The following BIRC6 variants were observed in gnomAD, a reference collection of about 807,000 sequenced individuals.
BIRC6 encodes dual E2 ubiquitin-conjugating enzyme/E3 ubiquitin-protein ligase BIRC6.
In BIRC6, 98 loss-of-function variants were observed where a neutral mutation model predicts 503.3. The observed-to-expected ratio is 0.19, with a 90% CI of 0.17 to 0.23. The LOEUF (loss-of-function observed/expected upper bound fraction) is 0.23. BIRC6 is among the 10% of genes least tolerant of loss of function. BIRC6 has a pLI of 1.00. For missense variants in BIRC6, 5,360 were observed against 5,806.0 expected (o/e 0.92, Z 2.50); for synonymous variants, 2,240 against 2,078.7 (o/e 1.08, Z -2.11).
intron 68 of BIRC6, among the ~76,000 whole-genome samples, chr2:32,597,309 T>C (rs2061736038): frequency 2.6e-5 from 4 of 152,232 alleles, no homozygotes; most frequent in Admixed American, 1.3e-4. Flanking sequence ...CCAGGATTAA[T>C]TCTGTAGGAT....
intron 61 of BIRC6, among the ~76,000 whole-genome samples, chr2:32,531,965 G>T (rs2056797087): frequency 1.3e-5 from 2 of 151,966 alleles, no homozygotes; most frequent in African/African-American, 4.8e-5. Flanking sequence ...TCCATTTTTG[G>T]TGGTTTAAAA....
chr2:32,485,648 G>T lies in BIRC6; in HGVS notation c.7702G>T (p.Asp2568Tyr), dbSNP rs764752912. ...CTTTCAATTGCTTTTTGTAGCCCTG[G>T]ATGCTCGCCTAGAAGTTGGACTTGA... The part of the protein sequence containing the change: ...TVSVSVSQAL[D>Y]ARLEVGLEQQ... Residue 2568 changes from aspartate (D) to tyrosine (Y), a missense_variant, in exon 40 of 74, where the codon GAT becomes TAT. By Grantham distance (160) the Asp-to-Tyr change is radical (BLOSUM62 -3). Around this residue, in one of 16 missense-constraint regions of BIRC6, gnomAD observed 2,299 missense variants for 2,267.2 expected, o/e 1.01. Transcript: ENST00000421745. 1.9e-6 allele frequency: 3 copies of T among 1,610,008 alleles called. No homozygotes were observed. The highest frequency in any genetic ancestry group is 8.5e-7 in the Non-Finnish European group (1 of 1,176,714).
intron 20 of BIRC6, 44 bp from the exon 21 acceptor site, chr2:32,445,477 A>T (rs753976352): frequency 2.1e-6 from 3 of 1,457,556 alleles, no homozygotes; most frequent in Non-Finnish European, 2.8e-6. Flanking sequence ...TGTTAGAGGA[A>T]AAGGAGGAAA....
At chr2:32,505,275 GT>G in intron 50 of BIRC6, 70 bp downstream of exon 50, 1 of 1,331,216 alleles carries the variant, frequency 7.5e-7, no homozygotes. Context: ...AAATAAAAAT[GT>G]TTAGTAAGCG....
At chr2:32,362,414 C>G (rs1205039777) in intron 1 of BIRC6, among the ~76,000 whole-genome samples, 4 of 150,616 alleles carry the variant, frequency 2.7e-5, no homozygotes, top group Non-Finnish European at 5.9e-5. Context: ...CTACCAGGTT[C>G]ACACCATTTT....
At chr2:32,452,969 T>C (rs2046875477) in intron 22 of BIRC6, among the ~76,000 whole-genome samples, 1 of 152,118 alleles carries the variant, frequency 6.6e-6, no homozygotes, top group Non-Finnish European at 1.5e-5. Flanking sequence ...TTGATAGTCC[T>C]TCAGCTGTTA....
chr2:32,478,816 C>T lies in BIRC6; in HGVS notation c.7250C>T (p.Ala2417Val). 2.5e-6 allele frequency: 4 copies of T among 1,611,954 alleles called. No individual in the cohort carries two copies. The highest frequency in any genetic ancestry group is 3.4e-6 in the Non-Finnish European group (4 of 1,179,328). ...ACTTGCATGCTACAAGATATTTTAGCAGGTGTGTTAGGATTTTTCTTCATA... is the reference window on the plus strand; with the variant it reads ...ACTTGCATGCTACAAGATATTTTAGTAGGTGTGTTAGGATTTTTCTTCATA... ...SLTCMLQDILAGELLAPVAAE... is the reference protein window; with the variant it reads ...SLTCMLQDILVGELLAPVAAE... Residue 2417 changes from alanine (A) to valine (V), a missense_variant and splice_region_variant, in exon 36 of 74, where the codon GCA becomes GTA. Ala to Val is a moderately conservative substitution (Grantham distance 64). Around this residue, in one of 16 missense-constraint regions of BIRC6, gnomAD observed 2,299 missense variants for 2,267.2 expected, o/e 1.01. Transcript: ENST00000421745.
chr2:32,602,989 CT>C lies in BIRC6; in HGVS notation c.13993-11del. The C allele has an allele frequency of 6.3e-7, 1 of 1,591,540 alleles. No homozygotes were observed. Among genetic ancestry groups the C allele is most frequent in the Non-Finnish European group, 8.5e-7 (1 of 1,172,728 alleles). ...CACTCTTTTTTCAATTCTGTTTATG[CT>C]TTTTTCGTTCGTCAGGTTTGTTTAA... On this transcript the variant is annotated splice_polypyrimidine_tract_variant and intron_variant, in intron 70 of 73. Transcript: ENST00000421745.
At chr2:32,486,501 C>T (rs1013211899) in intron 40 of BIRC6, among the ~76,000 whole-genome samples, 11 of 152,044 alleles carry the variant, frequency 7.2e-5, no homozygotes, top group Admixed American at 6.5e-4. Context: ...TGAAATAGCA[C>T]GGTGTTTTTC....
chr2:32,552,674 T>C (rs953960371), intron 65 of BIRC6, among the ~76,000 whole-genome samples: 1 of 152,144 alleles, frequency 6.6e-6, no homozygotes, highest in Non-Finnish European at 1.5e-5. Context: ...TCATTAAGTA[T>C]ATTGTATTTA....
intron 66 of BIRC6, among the ~76,000 whole-genome samples, chr2:32,577,563 T>A (rs2060346870): frequency 1.5e-5 from 2 of 134,614 alleles, no homozygotes; most frequent in South Asian, 4.8e-4. Context: ...TTCTATTAGA[T>A]CCTGCAAAAA....
At chr2:32,473,054 A>G in intron 32 of BIRC6, 58 bp from the exon 33 acceptor site, 2 of 1,428,502 alleles carry the variant, frequency 1.4e-6, no homozygotes, top group Non-Finnish European at 1.9e-6. Context: ...TGGGTAGGAA[A>G]GGTACTTTAA....
chr2:32,561,991 G>A (rs1322316127), intron 65 of BIRC6, among the ~76,000 whole-genome samples: 4 of 151,962 alleles, frequency 2.6e-5, no homozygotes, highest in Admixed American at 2.0e-4. Flanking sequence ...GCAGTGAGCC[G>A]AGATCATGCC....
intron 33 of BIRC6, among the ~76,000 whole-genome samples, chr2:32,474,361 T>G (rs2049482130): frequency 6.6e-6 from 1 of 152,218 alleles, no homozygotes; most frequent in African/African-American, 2.4e-5. Flanking sequence ...AATTTGTATC[T>G]TTTAATGTTT....
chr2:32,557,981 T>A (rs2058899688), intron 65 of BIRC6: 1 of 152,050 alleles, frequency 6.6e-6, no homozygotes, highest in South Asian at 2.1e-4. Flanking sequence ...TACTAGAAAA[T>A]TGCTAGAAAA....
Position 32,401,293 on chromosome 2 carries a change from T to A in BIRC6, c.1165T>A (p.Ser389Thr), listed in dbSNP as rs2040572135. 6.2e-7 allele frequency: 1 copy of A among 1,614,030 alleles called. No homozygotes were observed. Among genetic ancestry groups the A allele is most frequent in the South Asian group, 1.1e-5 (1 of 91,088 alleles). Residue 389 changes from serine to threonine, a missense_variant, in exon 7 of 74, where the codon TCT (serine) becomes ACT (threonine). Physicochemically the swap from Ser to Thr is moderately conservative, Grantham distance 58. This residue lies in a region of BIRC6 where 92 missense variants were observed against 176.7 expected (regional missense o/e 0.52). Coordinates refer to ENST00000421745, the MANE Select transcript of BIRC6 (RefSeq NM_016252.4). ...FPCTDGTDRI[S>T]CFGSGSCPHF... ...TTGTACGGATGGAACTGACAGAATA[T>A]CTTGCTTTGGGTCGGGGAGCTGCCC...
At chr2:32,574,236 C>T (rs1345914156) in intron 65 of BIRC6, among the ~76,000 whole-genome samples, 1 of 148,790 alleles carries the variant, frequency 6.7e-6, no homozygotes, top group Non-Finnish European at 1.5e-5. Flanking sequence ...ATCTTGTCCT[C>T]CCCAGTTGCA....
chr2:32,392,160 G>A lies in BIRC6; in HGVS notation c.951+10G>A. 6.5e-7 allele frequency: 1 copy of A among 1,527,604 alleles called. No individual in the cohort carries two copies. Among genetic ancestry groups the A allele is most frequent in the Non-Finnish European group, 8.9e-7 (1 of 1,125,902 alleles). The allele number at this position is 1,527,604 out of a possible 1,614,324, so 94.6% of individuals were successfully genotyped here. ...TGGATTTTATCATCAGGTAAAAAAAGAATATAAAAAAATACTTTTCTCAGT... is the reference window on the plus strand; with the variant it reads ...TGGATTTTATCATCAGGTAAAAAAAAAATATAAAAAAATACTTTTCTCAGT... On this transcript the variant is annotated intron_variant, in intron 5 of 73. Transcript: ENST00000421745.
At chr2:32,512,874 A>G in intron 53 of BIRC6, 59 bp from the exon 54 acceptor site, 1 of 1,311,332 alleles carries the variant, frequency 7.6e-7, no homozygotes. Context: ...GTATTTATCT[A>G]TATGAAATGC....
Sources: gnomAD v4.1 joint callset for allele counts (sites outside exome capture counted in the v4.1 genomes callset) on GRCh38, gnomAD v4.1.1 for gene constraint, gnomAD v4.1.1 regional missense constraint, MANE v1.5 for transcripts, NCBI Gene and HGNC (gene_info 2026-07-23, HGNC 2026-07-21) for gene names.